Variants in KCTD20 observed in about 807,000 individuals in gnomAD.
KCTD20 encodes BTB/POZ domain-containing protein KCTD20.
In KCTD20, 30 loss-of-function variants were observed where a neutral mutation model predicts 39.6. The ratio of observed to expected loss-of-function variants is 0.76; its 90% CI spans 0.57 to 1.03. The LOEUF is 1.03. Ranked by LOEUF, KCTD20 falls within the 50% of genes least tolerant of loss-of-function variation. KCTD20 has a pLI of 0.00. For missense variants in KCTD20, 422 were observed against 522.0 expected, an observed-to-expected ratio of 0.81 and a Z score of 1.87; for synonymous variants, 162 against 180.6, an observed-to-expected ratio of 0.90 and a Z score of 0.83.
intron 1 of KCTD20, chr6:36,465,589 A>C (rs1291314764): frequency 6.6e-6 from 1 of 152,056 alleles, no homozygotes; most frequent in Non-Finnish European, 1.5e-5. Flanking sequence ...AAACCAGTAC[A>C]TTCTTTTTTA....
chr6:36,449,119 T>C (rs574608949), intron 1 of KCTD20, among the ~76,000 whole-genome samples: 4 of 152,250 alleles, frequency 2.6e-5, no homozygotes, highest in Non-Finnish European at 4.4e-5. Flanking sequence ...TGGAAGGGGT[T>C]CTGAGCGGGC....
intron 6 of KCTD20, among the ~76,000 whole-genome samples, chr6:36,483,257 CTTTT>C (rs1271097017): frequency 8.1e-6 from 1 of 123,734 alleles, no homozygotes; most frequent in Non-Finnish European, 1.6e-5. Context: ...AAAACAGTGG[CTTTT>C]TCTTTTTTTT....
chr6:36,484,239 C>T (rs1776350692), intron 6 of KCTD20, among the ~76,000 whole-genome samples: 1 of 152,036 alleles, frequency 6.6e-6, no homozygotes. Flanking sequence ...CCAGCCAAAA[C>T]CTTTTTAGTT....
intron 6 of KCTD20, among the ~76,000 whole-genome samples, chr6:36,483,037 T>G (rs1372910306): frequency 6.6e-6 from 1 of 150,864 alleles, no homozygotes; most frequent in East Asian, 1.9e-4. Flanking sequence ...GAGAATCATT[T>G]GAACCCAGGA....
intron 3 of KCTD20, among the ~76,000 whole-genome samples, chr6:36,475,271 C>A (rs941691645): frequency 2.6e-5 from 4 of 151,944 alleles, no homozygotes; most frequent in Non-Finnish European, 5.9e-5. Flanking sequence ...CATGGTGAAA[C>A]CCTATCTCTA....
chr6:36,473,211 C>T (rs1431427982), intron 2 of KCTD20, among the ~76,000 whole-genome samples: 1 of 152,016 alleles, frequency 6.6e-6, no homozygotes, highest in Non-Finnish European at 1.5e-5. Flanking sequence ...CAGGCACCCG[C>T]CACCACACTC....
rs969972172 is a variant in KCTD20, at chr6:36,483,126, A to G, written c.856+1367A>G. ...AGAGCGAGACTCCGTTTCAAAAAAA[A>G]AAAAAAAAAAATTATACCTTTATAA... On this transcript the variant is annotated intron_variant, in intron 6 of 7. Coordinates refer to ENST00000373731, the MANE Select transcript of KCTD20 (RefSeq NM_173562.5). Among the ~76,000 whole-genome samples the G allele has an allele frequency of 5.3e-5, 8 of 151,442 alleles. No homozygotes were observed. The East Asian group carries it at 1.5e-3, about 29-fold the overall frequency.
At chr6:36,483,257 CTTTTTCT>C (rs750595597) in intron 6 of KCTD20, among the ~76,000 whole-genome samples, 22,285 of 122,056 alleles carry the variant, frequency 0.18, 2,000 homozygotes, top group East Asian at 0.35. Flanking sequence ...AAAACAGTGG[CTTTTTCT>C]TTTTTTTTTT....
At chr6:36,450,752 C>T (rs1194656098) in intron 1 of KCTD20, among the ~76,000 whole-genome samples, 2 of 152,132 alleles carry the variant, frequency 1.3e-5, no homozygotes, top group East Asian at 1.9e-4. Flanking sequence ...AACTTAAATT[C>T]CTAATTCATC....
At chr6:36,473,319 C>T (rs1224877432) in intron 2 of KCTD20, among the ~76,000 whole-genome samples, 1 of 151,968 alleles carries the variant, frequency 6.6e-6, no homozygotes, top group Non-Finnish European at 1.5e-5. Context: ...ACCTTGGCTT[C>T]CCAAAGTGCT....
chr6:36,447,647 A>T (rs938204243), intron 1 of KCTD20, among the ~76,000 whole-genome samples: 14 of 151,970 alleles, frequency 9.2e-5, no homozygotes, highest in African/African-American at 2.7e-4. Flanking sequence ...AAAAGAAAAA[A>T]ATATAAAATT....
rs1776454823 is a variant in KCTD20 at position 36,487,229 on chromosome 6, A to G, written c.*54A>G. 1.6e-5 allele frequency: 24 copies of G among 1,546,132 alleles called. No individual in the cohort carries two copies. Among genetic ancestry groups the G allele is most frequent in the Non-Finnish European group, 2.1e-5 (24 of 1,140,560 alleles). ...AGCCCATCTCACCTGGGATGCCTGC[A>G]GCCAGCCCTCCCTCGTGATTTGTCT... On this transcript the variant is annotated 3_prime_UTR_variant, in exon 8 of 8. Coordinates refer to ENST00000373731, the MANE Select transcript of KCTD20 (RefSeq NM_173562.5).
rs1019571620 is a variant in KCTD20 at position 36,469,294 on chromosome 6, C to T, written c.-46-758C>T. On this transcript the variant is annotated intron_variant, in intron 1 of 7. Coordinates refer to ENST00000373731, the MANE Select transcript of KCTD20 (RefSeq NM_173562.5). This position sits in a 1 kb window ranked among gnomAD's most constrained non-coding sequence, Gnocchi z 4.6. The stretch of plus-strand genomic sequence containing the variant: ...CATCGAGGATGGAAGGGTTGCAGGG[C>T]GTGATTAACCAGCAGAAAGTTATGA... 4.6e-5 allele frequency among the ~76,000 whole-genome samples: 7 copies of T among 152,076 alleles called. No individual in the cohort carries two copies. The highest frequency in any genetic ancestry group is 1.7e-4 in the African/African-American group (7 of 41,400).
At chr6:36,470,285 T>TG (rs1775873832) in intron 2 of KCTD20, 28 bp downstream of exon 2, 5 of 1,569,814 alleles carry the variant, frequency 3.2e-6, no homozygotes, top group Admixed American at 1.8e-5. Context: ...TGACTTAATT[T>TG]GGGGGGCTTT....
intron 1 of KCTD20, among the ~76,000 whole-genome samples, chr6:36,455,372 C>T (rs1461975997): frequency 1.3e-5 from 2 of 152,170 alleles, no homozygotes; most frequent in African/African-American, 2.4e-5. Context: ...CATGCCACTG[C>T]ACTCCAGCCT....
chr6:36,459,402 A>C (rs1013659498), intron 1 of KCTD20, among the ~76,000 whole-genome samples: 2 of 152,226 alleles, frequency 1.3e-5, no homozygotes, highest in Non-Finnish European at 2.9e-5. Context: ...TTCACTTCAT[A>C]TTTTAACATT....
chr6:36,453,440 A>C (rs184944009), intron 1 of KCTD20, among the ~76,000 whole-genome samples: 1 of 151,920 alleles, frequency 6.6e-6, no homozygotes, highest in Non-Finnish European at 1.5e-5. Context: ...CTTTAGGATT[A>C]ATAAGCTATT....
At chr6:36,478,264 C>G (rs1441128072) in intron 3 of KCTD20, among the ~76,000 whole-genome samples, 1 of 152,100 alleles carries the variant, frequency 6.6e-6, no homozygotes, top group Admixed American at 6.5e-5. Context: ...CCTGCCCTAT[C>G]CTTTGTGTTA....
intron 1 of KCTD20, among the ~76,000 whole-genome samples, chr6:36,447,179 G>T (rs1775073492): frequency 6.6e-6 from 1 of 152,144 alleles, no homozygotes; most frequent in Admixed American, 6.5e-5. Context: ...TACTAGGTTG[G>T]ATAAAGTACT....
Sources: allele counts gnomAD v4.1 joint callset (sites outside exome capture counted in the v4.1 genomes callset), GRCh38; gene constraint gnomAD v4.1.1; non-coding constraint Gnocchi (gnomAD v3.1); transcripts MANE v1.5; gene names NCBI Gene and HGNC (gene_info 2026-07-23, HGNC 2026-07-21).